The following RSRC1 variants were observed in gnomAD, a reference collection of about 807,000 sequenced individuals.
RSRC1 encodes the protein arginine and serine rich coiled-coil 1.
RSRC1 carries 39 observed loss-of-function variants against 49.1 expected under a neutral mutation model. That is an observed-to-expected ratio of 0.79 (90% CI 0.61 to 1.04). RSRC1 has a LOEUF of 1.04. Ranked by LOEUF, RSRC1 falls within the 50% of genes least tolerant of loss-of-function variation. The pLI is 0.00. For synonymous variants in RSRC1, 143 were observed against 130.8 expected (o/e 1.09, Z -0.63); for missense variants, 388 against 402.4 (o/e 0.96, Z 0.31).
chr3:158,170,996 G>C (rs982148805), intron 3 of RSRC1, among the ~76,000 whole-genome samples: 2 of 152,102 alleles, frequency 1.3e-5, no homozygotes, highest in Non-Finnish European at 2.9e-5. Flanking sequence ...CCAGTGATCT[G>C]GGAAAAGTTG....
At chr3:158,211,919 T>G (rs1724666) in intron 4 of RSRC1, among the ~76,000 whole-genome samples, 1 of 151,616 alleles carries the variant, frequency 6.6e-6, no homozygotes, top group East Asian at 1.9e-4. Context: ...TTGTGTCTTT[T>G]TAAAGGTTGT....
intron 7 of RSRC1, among the ~76,000 whole-genome samples, chr3:158,512,614 A>C (rs1740254154): frequency 6.6e-6 from 1 of 151,894 alleles, no homozygotes; most frequent in Non-Finnish European, 1.5e-5. Flanking sequence ...TTTTGGTTCC[A>C]TATAAACTTT....
At chr3:158,528,608 A>G (rs1712187926) in intron 7 of RSRC1, among the ~76,000 whole-genome samples, 1 of 151,970 alleles carries the variant, frequency 6.6e-6, no homozygotes, top group South Asian at 2.1e-4. Context: ...CCTTAGAAAC[A>G]TACAACTCTT....
intron 6 of RSRC1, among the ~76,000 whole-genome samples, chr3:158,385,300 G>A (rs975055004): frequency 3.3e-5 from 5 of 152,238 alleles, no homozygotes; most frequent in Middle Eastern, 6.8e-3. Flanking sequence ...AGGCAATATG[G>A]ATACAGTATA....
At chr3:158,525,311 T>C (rs1267548721) in intron 7 of RSRC1, among the ~76,000 whole-genome samples, 1 of 151,916 alleles carries the variant, frequency 6.6e-6, no homozygotes, top group Admixed American at 6.6e-5. Flanking sequence ...AAATGCTGAA[T>C]ATCATTAGTC....
At chr3:158,252,669 G>T (rs1426756200) in intron 4 of RSRC1, among the ~76,000 whole-genome samples, 1 of 152,130 alleles carries the variant, frequency 6.6e-6, no homozygotes, top group Non-Finnish European at 1.5e-5. Flanking sequence ...ATTGGAATAA[G>T]TTCTTTACAT....
At chr3:158,538,421 A>C (rs987908241) in intron 8 of RSRC1, among the ~76,000 whole-genome samples, 2 of 151,852 alleles carry the variant, frequency 1.3e-5, no homozygotes, top group African/African-American at 4.8e-5. Flanking sequence ...TGCCCATTTT[A>C]TTTAATCTTA....
intron 6 of RSRC1, among the ~76,000 whole-genome samples, chr3:158,414,890 G>A (rs913405347): frequency 2.6e-5 from 4 of 152,100 alleles, no homozygotes; most frequent in African/African-American, 7.2e-5. Context: ...AAAAAAAGTT[G>A]TAGATTTGAA....
At chr3:158,272,041 T>G (rs1725547322) in intron 4 of RSRC1, among the ~76,000 whole-genome samples, 1 of 152,130 alleles carries the variant, frequency 6.6e-6, no homozygotes. Flanking sequence ...AATTTGTTGT[T>G]TTTTTTTCCA....
intron 3 of RSRC1, among the ~76,000 whole-genome samples, chr3:158,156,281 C>T (rs1160367974): frequency 1.3e-5 from 2 of 152,130 alleles, no homozygotes; most frequent in Admixed American, 6.6e-5. Flanking sequence ...CCTCTTTTAG[C>T]TTTTATAGAA....
rs146659524 is a variant in RSRC1 at position 158,417,595 on chromosome 3, C to T, written c.584-43340C>T. On this transcript the variant is annotated intron_variant, in intron 6 of 9. Transcript: ENST00000611884. ...GTCATTTGCAAATTTTATAGTGCAT[C>T]TGAATGATTGGGTAGAGGAACTTAA... Among the ~76,000 whole-genome samples the T allele has an allele frequency of 5.3e-3, 801 of 152,010 alleles. 7 individuals are homozygous for T. The highest frequency in any genetic ancestry group is 0.018 in the African/African-American group (762 of 41,498).
chr3:158,252,905 A>G (rs1104289), intron 4 of RSRC1, among the ~76,000 whole-genome samples: 72,340 of 151,820 alleles, frequency 0.48, 17,785 homozygotes, highest in East Asian at 0.64. Context: ...TTGATCCTTT[A>G]AATGTCTGTG....
At chr3:158,482,545 G>T (rs1312949560) in intron 7 of RSRC1, among the ~76,000 whole-genome samples, 3 of 151,990 alleles carry the variant, frequency 2.0e-5, no homozygotes, top group Admixed American at 6.6e-5. Flanking sequence ...AAAGGCAGGA[G>T]AATGGACAAG....
chr3:158,261,198 A>G (rs1343952762), intron 4 of RSRC1, among the ~76,000 whole-genome samples: 2 of 152,094 alleles, frequency 1.3e-5, no homozygotes, highest in African/African-American at 4.8e-5. Flanking sequence ...TATTTTCCAA[A>G]GTGGTTGTGC....
Position 158,365,777 on chromosome 3 carries a change from A to G in RSRC1, c.583+10869A>G, listed in dbSNP as rs143319550. Among the ~76,000 whole-genome samples the G allele has an allele frequency of 7.3e-3, 1,110 of 152,194 alleles. 15 individuals are homozygous for G. Among genetic ancestry groups the G allele is most frequent in the African/African-American group, 0.026 (1,071 of 41,538 alleles). On this transcript the variant is annotated intron_variant, in intron 6 of 9. Coordinates refer to ENST00000611884, the MANE Select transcript of RSRC1 (RefSeq NM_001271838.2). ...ACACTCCCACCAACATTGTAAAAGCATTTCTATTTCTCCACATCCTCTCCA... is the reference window on the plus strand; with the variant it reads ...ACACTCCCACCAACATTGTAAAAGCGTTTCTATTTCTCCACATCCTCTCCA...
At chr3:158,414,200 C>T (rs1238075195) in intron 6 of RSRC1, among the ~76,000 whole-genome samples, 1 of 152,116 alleles carries the variant, frequency 6.6e-6, no homozygotes, top group Admixed American at 6.6e-5. Context: ...TACATATACA[C>T]CATGGAATAC....
At chr3:158,287,371 A>C (rs1726633199) in intron 4 of RSRC1, among the ~76,000 whole-genome samples, 1 of 152,162 alleles carries the variant, frequency 6.6e-6, no homozygotes, top group African/African-American at 2.4e-5. Flanking sequence ...AGAATGCATG[A>C]ATTTATTTAT....
intron 6 of RSRC1, among the ~76,000 whole-genome samples, chr3:158,360,669 TG>T: frequency 6.6e-6 from 1 of 152,230 alleles, no homozygotes; most frequent in East Asian, 1.9e-4. Context: ...TGCACATACC[TG>T]GCGGGGCTGT....
intron 7 of RSRC1, among the ~76,000 whole-genome samples, chr3:158,463,002 A>G (rs1260661551): frequency 6.6e-6 from 1 of 152,048 alleles, no homozygotes; most frequent in African/African-American, 2.4e-5. Flanking sequence ...AACACATAGT[A>G]GAAACTCAGT....
Sources: gnomAD v4.1 joint callset for allele counts (sites outside exome capture counted in the v4.1 genomes callset) on GRCh38, gnomAD v4.1.1 for gene constraint, MANE v1.5 for transcripts, NCBI Gene and HGNC (gene_info 2026-07-23, HGNC 2026-07-21) for gene names.